Variants in SIPA1L3 observed in about 807,000 individuals in gnomAD.
SIPA1L3 encodes the protein signal-induced proliferation-associated 1-like protein 3.
A neutral mutation model predicts 150.1 loss-of-function variants in SIPA1L3; 59 were observed. The observed-to-expected ratio is 0.39, with a 90% CI of 0.32 to 0.49. The LOEUF is 0.49. SIPA1L3 is among the 20% of genes least tolerant of loss of function. SIPA1L3 has a pLI of 0.86. For missense variants in SIPA1L3, 2,211 were observed against 2,489.5 expected (o/e 0.89, Z 2.38); for synonymous variants, 1,070 against 1,077.6 (o/e 0.99, Z 0.14).
chr19:38,024,924 G>A (rs1182584339), intron 1 of SIPA1L3, among the ~76,000 whole-genome samples: 1 of 152,116 alleles, frequency 6.6e-6, no homozygotes, highest in Non-Finnish European at 1.5e-5. Context: ...TCCCAGAGCT[G>A]GCCCAGCTGG....
intron 18 of SIPA1L3, among the ~76,000 whole-genome samples, chr19:38,197,443 C>T (rs1159663593): frequency 1.3e-5 from 2 of 152,094 alleles, no homozygotes; most frequent in Admixed American, 6.5e-5. Flanking sequence ...ATGTCACAGG[C>T]CTCTCCTCTG....
chr19:38,014,544 CTTTTTTT>C (rs72101453), intron 1 of SIPA1L3, among the ~76,000 whole-genome samples: 9 of 116,838 alleles, frequency 7.7e-5, no homozygotes, highest in South Asian at 3.0e-4. Flanking sequence ...ACACCACATT[CTTTTTTT>C]TTTTTTTTTT....
chr19:38,112,670 T>G (rs1382683360), intron 8 of SIPA1L3, among the ~76,000 whole-genome samples: 5 of 152,342 alleles, frequency 3.3e-5, no homozygotes, highest in African/African-American at 1.2e-4. Context: ...TTGCTTTGTT[T>G]GCTTCGGCTC....
chr19:38,121,181 A>T (rs1971008311), intron 9 of SIPA1L3, among the ~76,000 whole-genome samples: 1 of 152,156 alleles, frequency 6.6e-6, no homozygotes, highest in African/African-American at 2.4e-5. Flanking sequence ...GTTTCTAAAA[A>T]AAAAATAAAA....
At chr19:38,020,808 GT>G (rs112894506) in intron 1 of SIPA1L3, among the ~76,000 whole-genome samples, 4,783 of 147,836 alleles carry the variant, frequency 0.032, 220 homozygotes, top group African/African-American at 0.11. Flanking sequence ...AGTTTTTTTT[GT>G]TTTTTTTTTG....
At chr19:38,079,780 T>C (rs1221546432) in intron 2 of SIPA1L3, among the ~76,000 whole-genome samples, 2 of 152,168 alleles carry the variant, frequency 1.3e-5, no homozygotes, top group African/African-American at 4.8e-5. Flanking sequence ...GGTCTTGAGC[T>C]GCTGGGCTCA....
At chr19:38,009,503 C>T (rs550311324) in intron 1 of SIPA1L3, among the ~76,000 whole-genome samples, 6 of 152,242 alleles carry the variant, frequency 3.9e-5, no homozygotes, top group African/African-American at 1.4e-4. Context: ...TCAGTATTTC[C>T]GTTGTAATAA....
chr19:38,194,443 C>T (rs552540980), intron 18 of SIPA1L3, among the ~76,000 whole-genome samples: 2 of 152,074 alleles, frequency 1.3e-5, no homozygotes, highest in East Asian at 3.9e-4. Context: ...CCTGGAGGGG[C>T]GTGAGGCTGT....
chr19:37,910,796 G>C (rs1434635706), intron 1 of SIPA1L3, among the ~76,000 whole-genome samples: 1 of 152,112 alleles, frequency 6.6e-6, no homozygotes, highest in Non-Finnish European at 1.5e-5. Flanking sequence ...GTAGAGATGG[G>C]GTTTCGCCAT....
At chr19:38,160,638 G>A (rs1030099327) in intron 13 of SIPA1L3, among the ~76,000 whole-genome samples, 1 of 148,084 alleles carries the variant, frequency 6.8e-6, no homozygotes, top group Admixed American at 6.8e-5. Flanking sequence ...TCTTGACCTC[G>A]TGCTCTGCCC....
At chr19:38,117,595 AG>A (rs1970915829) in intron 8 of SIPA1L3, among the ~76,000 whole-genome samples, 1 of 150,742 alleles carries the variant, frequency 6.6e-6, no homozygotes, top group Admixed American at 6.6e-5. Context: ...CTCCAGCCTG[AG>A]CTACAGAGTG....
At chr19:38,063,455 T>G (rs994035330) in intron 2 of SIPA1L3, among the ~76,000 whole-genome samples, 2 of 152,206 alleles carry the variant, frequency 1.3e-5, no homozygotes, top group African/African-American at 4.8e-5. Context: ...GAGTGGGACT[T>G]TAACAGATGT....
intron 13 of SIPA1L3, among the ~76,000 whole-genome samples, chr19:38,156,100 A>G (rs1490254128): frequency 6.6e-6 from 1 of 151,964 alleles, no homozygotes; most frequent in Non-Finnish European, 1.5e-5. Context: ...CAAAAACCAG[A>G]GACAGTGGTT....
In SIPA1L3 at chr19:37,980,570, G is replaced by A. The variant is rs117744591; in HGVS notation, c.-378-48519G>A. ...AGCATGCTTCCAGGTTCCGGGGAGC[G>A]TGGCTCCCTCCAGAGCAGGGGGAAG... On this transcript the variant is annotated intron_variant, in intron 1 of 21. Transcript: ENST00000222345. 7.2e-3 allele frequency among the ~76,000 whole-genome samples: 1,090 copies of A among 152,302 alleles called. 35 individuals carry two copies. Among genetic ancestry groups the A allele is most frequent in the East Asian group, 0.065 (339 of 5,176 alleles).
intron 2 of SIPA1L3, among the ~76,000 whole-genome samples, chr19:38,045,042 T>G (rs1969021188): frequency 6.6e-6 from 1 of 152,198 alleles, no homozygotes; most frequent in South Asian, 2.1e-4. Context: ...ATTACCATTA[T>G]TCTGGCTTCA....
chr19:38,141,598 G>A (rs375626984), intron 11 of SIPA1L3, among the ~76,000 whole-genome samples, 163 bp downstream of exon 11: 34 of 151,762 alleles, frequency 2.2e-4, no homozygotes, highest in African/African-American at 7.5e-4. Context: ...TCCCTCCTTC[G>A]TTTCAGCTTT....
intron 1 of SIPA1L3, among the ~76,000 whole-genome samples, chr19:38,017,301 T>G (rs367770480): frequency 1.3e-5 from 2 of 152,304 alleles, no homozygotes; most frequent in East Asian, 3.9e-4. Context: ...GTTCTTGATA[T>G]TGTGTCTTAC....
intron 15 of SIPA1L3, among the ~76,000 whole-genome samples, chr19:38,165,281 C>T (rs982435152): frequency 6.6e-6 from 1 of 152,086 alleles, no homozygotes; most frequent in Non-Finnish European, 1.5e-5. Context: ...GAAACCTGAC[C>T]CTCTGTGGCT....
intron 1 of SIPA1L3, among the ~76,000 whole-genome samples, chr19:38,010,428 G>A (rs1256769545): frequency 6.6e-6 from 1 of 150,532 alleles, no homozygotes; most frequent in Non-Finnish European, 1.5e-5. Flanking sequence ...AAAAAAAAAG[G>A]GTCTGGGCAC....
Sources: allele counts gnomAD v4.1 joint callset (sites outside exome capture counted in the v4.1 genomes callset), GRCh38; gene constraint gnomAD v4.1.1; transcripts MANE v1.5; gene names NCBI Gene and HGNC (gene_info 2026-07-23, HGNC 2026-07-21).